The following CNN2 variants were observed in gnomAD, a reference collection of about 807,000 sequenced individuals.
The protein encoded by CNN2 is calponin-2.
In CNN2, 21 loss-of-function variants were observed where a neutral mutation model predicts 31.0. The ratio of observed to expected loss-of-function variants is 0.68; its 90% CI spans 0.48 to 0.98. The LOEUF is 0.98. Among genes scored for constraint, CNN2 ranks in the 50% least tolerant of loss-of-function variants. The pLI, the probability that CNN2 is intolerant of heterozygous loss-of-function variation, is 0.00. For synonymous variants in CNN2, 165 were observed against 179.6 expected (o/e 0.92, Z 0.65); for missense variants, 399 against 427.3 (o/e 0.93, Z 0.58).
intron 4 of CNN2, among the ~76,000 whole-genome samples, chr19:1,035,345 G>A (rs761604329): frequency 1.2e-4 from 18 of 152,182 alleles, no homozygotes; most frequent in South Asian, 2.1e-4. Context: ...TAGAGGAAGC[G>A]GGAGCTGGTT....
At position 1,037,753 on chromosome 19, in the gene CNN2, C is replaced by G; in HGVS notation, c.783C>G (p.Val261=). Residue 261 remains valine (V), a synonymous_variant, in exon 7 of 7, where the codon GTC becomes GTG. Coordinates refer to ENST00000263097, the MANE Select transcript of CNN2 (RefSeq NM_004368.4). ...AGGGCGCCAACCAGAGCGGCCAGGT[C>G]TTCGGCCTGGGCCGGCAGATATATG... is the stretch of plus-strand genomic sequence containing the variant. ...YTQGANQSGQ[V]FGLGRQIYDP... is the part of the protein sequence containing the mutation. 1 of 1,611,692 alleles carries G rather than the reference C, an allele frequency of 6.2e-7. No homozygotes were observed.
chr19:1,037,338 G>A (rs559404515), intron 6 of CNN2: 22 of 370,830 alleles, frequency 5.9e-5, no homozygotes, highest in African/African-American at 2.7e-4. Context: ...GGGTTTCACC[G>A]TGTTGGCCAG....
At chr19:1,035,456 A>C (rs10407915) in intron 4 of CNN2, among the ~76,000 whole-genome samples, 40,838 of 152,010 alleles carry the variant, frequency 0.27, 6,061 homozygotes, top group African/African-American at 0.38. Context: ...CCGGGCGCAG[A>C]CATCCCAGTG....
At chr19:1,033,677 C>T (rs1028772841) in intron 4 of CNN2, among the ~76,000 whole-genome samples, 3 of 120,040 alleles carry the variant, frequency 2.5e-5, no homozygotes, top group African/African-American at 6.5e-5. Flanking sequence ...AGACCGGGAG[C>T]GTGGGTGGGA....
In CNN2 at chr19:1,036,053, T is replaced by C. The variant is rs1380242975; in HGVS notation, c.391-77T>C. 6 of 1,492,894 alleles carry C rather than the reference T, an allele frequency of 4.0e-6. No individual in the cohort carries two copies. In the Admixed American group the frequency reaches 9.8e-5, roughly 24 times the overall value. 92.5% of individuals were successfully genotyped at this position (1,492,894 alleles called of 1,614,324 possible). On this transcript the variant is annotated intron_variant, in intron 4 of 6. Coordinates refer to ENST00000263097, the MANE Select transcript of CNN2 (RefSeq NM_004368.4). The stretch of plus-strand genomic sequence containing the variant: ...AGGTGACAGGCCGCGGCCTGGTCTC[T>C]GTCCCGCCCCCAGGGCCTAGATCTA...
At chr19:1,028,917 C>T (rs2039444084) in intron 1 of CNN2, among the ~76,000 whole-genome samples, 1 of 152,242 alleles carries the variant, frequency 6.6e-6, no homozygotes, top group South Asian at 2.1e-4. Flanking sequence ...ACTGGGGGGC[C>T]TCCCCGCCTT....
chr19:1,029,945 C>T (rs887255964), intron 1 of CNN2, among the ~76,000 whole-genome samples: 1 of 152,130 alleles, frequency 6.6e-6, no homozygotes, highest in Admixed American at 6.5e-5. Context: ...ATGATCCGCC[C>T]GCCTTGGCCT....
chr19:1,029,646 G>C (rs957816785), intron 1 of CNN2, among the ~76,000 whole-genome samples: 6 of 152,168 alleles, frequency 3.9e-5, no homozygotes, highest in African/African-American at 1.4e-4. Flanking sequence ...GCGGGAACCT[G>C]GGGAGATGGG....
chr19:1,036,189 G>A lies in CNN2; in HGVS notation c.450G>A (p.Gln150=). Residue 150 remains glutamine (Q), a synonymous_variant, in exon 5 of 7, where the codon CAG becomes CAA. Transcript: ENST00000263097. ...VDIGVKYSEK[Q]ERNFDDATMK... ...TTGGCGTCAAGTACTCGGAGAAGCA[G>A]GAGCGGAATTTCGACGATGCCACCA... 6.2e-7 allele frequency: 1 copy of A among 1,612,132 alleles called. No homozygotes were observed. The highest frequency in any genetic ancestry group is 8.5e-7 in the Non-Finnish European group (1 of 1,179,114).
At chr19:1,037,286 C>T (rs1192633473) in intron 6 of CNN2, 5 of 237,006 alleles carry the variant, frequency 2.1e-5, no homozygotes, top group African/African-American at 4.7e-5. Context: ...TACAGGCGCC[C>T]GCCACCACGC....
intron 1 of CNN2, among the ~76,000 whole-genome samples, chr19:1,028,834 G>C (rs1184634873): frequency 2.0e-5 from 3 of 152,160 alleles, no homozygotes; most frequent in African/African-American, 7.2e-5. Flanking sequence ...CTCATTCCTC[G>C]GGATCAAAGT....
At chr19:1,027,915 T>G (rs775823755) in intron 1 of CNN2, among the ~76,000 whole-genome samples, 13 of 152,182 alleles carry the variant, frequency 8.5e-5, no homozygotes, top group Non-Finnish European at 1.9e-4. Context: ...TGTGAGCCCC[T>G]GCAAGCCTTC....
chr19:1,026,644 G>GCCGC lies in CNN2; in HGVS notation c.-8_-5dup, dbSNP rs1241909282. On this transcript the variant is annotated 5_prime_UTR_variant, in exon 1 of 7. Transcript: ENST00000263097. ...GTCCCGTCCTGTGCGGCCCCGTCCC[G>GCCGC]CCGCCCGCCCGCCAGCCATGAGCTC... is the stretch of plus-strand genomic sequence containing the variant. The GCCGC allele has an allele frequency of 1.0e-5, 16 of 1,529,256 alleles. No individual in the cohort carries two copies. Among genetic ancestry groups the GCCGC allele is most frequent in the East Asian group, 2.6e-5 (1 of 38,266 alleles). 94.7% of individuals were successfully genotyped at this position (1,529,256 alleles called of 1,614,324 possible). A position where few individuals can be genotyped will look rare whatever the true frequency, so the allele number is the denominator to read the frequency against.
At chr19:1,033,419 G>C (rs2039531910) in intron 4 of CNN2, among the ~76,000 whole-genome samples, 1 of 152,100 alleles carries the variant, frequency 6.6e-6, no homozygotes, top group Admixed American at 6.5e-5. Context: ...TCGGGAGGCT[G>C]AGCCCAGGAG....
intron 1 of CNN2, among the ~76,000 whole-genome samples, chr19:1,029,726 G>T (rs2144616188): frequency 6.7e-6 from 1 of 149,302 alleles, no homozygotes; most frequent in African/African-American, 2.5e-5. Flanking sequence ...TTTTAAGACA[G>T]AGGCTCACTC....
chr19:1,036,445 G>A lies in CNN2; in HGVS notation c.537G>A (p.Ser179=), dbSNP rs930231. The A allele has an allele frequency of 0.29, 468,381 of 1,612,808 alleles. 72,528 individuals are homozygous for A. Among genetic ancestry groups the A allele is most frequent in the Middle Eastern group, 0.36 (2,163 of 6,060 alleles). ...GCACCAACAAATGCGCCAGCCAGTC[G>A]GGCATGACTGCCTACGGCACGAGAA... The part of the protein sequence containing the change: ...QMGTNKCASQ[S]GMTAYGTRRH... The change falls in exon 6 of 7, where the codon TCG becomes TCA. Residue 179 remains serine (S), a synonymous_variant. Coordinates refer to ENST00000263097, the MANE Select transcript of CNN2 (RefSeq NM_004368.4).
chr19:1,037,591 A>C, intron 6 of CNN2, 34 bp from the exon 7 acceptor site: 1 of 1,597,214 alleles, frequency 6.3e-7, no homozygotes, highest in South Asian at 1.1e-5. Flanking sequence ...TCTTCTCTCC[A>C]CCATGACCTG....
rs2039484198 is a variant in CNN2, at chr19:1,031,143, A to G, written c.136A>G (p.Ile46Val). 1 of 1,613,336 alleles carries G rather than the reference A, an allele frequency of 6.2e-7. No homozygotes were observed. The highest frequency in any genetic ancestry group is 1.7e-5 in the Admixed American group (1 of 60,020). Residue 46 changes from isoleucine (I) to valine (V), a missense_variant, in exon 2 of 7, where the codon ATC (isoleucine) becomes GTC (valine). Transcript: ENST00000263097. ...GATCGAGGGACTCACCGGCCTCTCC[A>G]TCGGCCCCGACTTCCAGAAGGGCCT... is the stretch of plus-strand genomic sequence containing the variant. ...TWIEGLTGLS[I>V]GPDFQKGLKD... is the part of the protein sequence containing the mutation.
intron 4 of CNN2, chr19:1,032,987 C>T (rs1219422296): frequency 3.0e-6 from 1 of 332,174 alleles, no homozygotes; most frequent in South Asian, 2.7e-5. Context: ...CCATGCTGGC[C>T]AGGCTGGTCT....
Sources: gnomAD v4.1 joint callset for allele counts (sites outside exome capture counted in the v4.1 genomes callset) on GRCh38, gnomAD v4.1.1 for gene constraint, MANE v1.5 for transcripts, NCBI Gene and HGNC (gene_info 2026-07-23, HGNC 2026-07-21) for gene names.